The following CCDC63 variants were observed in gnomAD, a reference collection of about 807,000 sequenced individuals.
CCDC63 encodes coiled-coil domain-containing protein 63.
In CCDC63, 54 loss-of-function variants were observed where a neutral mutation model predicts 63.6. That is an observed-to-expected ratio of 0.85 (90% CI 0.68 to 1.07). The LOEUF (loss-of-function observed/expected upper bound fraction) is 1.07. Among genes scored for constraint, CCDC63 ranks in the 50% least tolerant of loss-of-function variants. The probability of loss-of-function intolerance (pLI) is 0.00; values close to 1 mark genes in which losing one functional copy is unlikely to be tolerated. For missense variants in CCDC63, 637 were observed against 689.6 expected, an observed-to-expected ratio of 0.92 and a Z score of 0.86; for synonymous variants, 253 against 266.1, an observed-to-expected ratio of 0.95 and a Z score of 0.48.
Position 110,879,944 on chromosome 12 carries a change from C to T in CCDC63, c.528C>T (p.Ala176=), listed in dbSNP as rs755654477. The T allele has an allele frequency of 6.2e-7, 1 of 1,614,058 alleles. No individual in the cohort carries two copies. The highest frequency in any genetic ancestry group is 1.3e-5 in the African/African-American group (1 of 74,922). Residue 176 remains alanine (A), a synonymous_variant, in exon 6 of 12, where the codon GCC becomes GCT. Coordinates refer to ENST00000308208, the MANE Select transcript of CCDC63 (RefSeq NM_152591.3). The part of the protein sequence containing the change: ...VHFDKMLTTN[A]KLRKEIEDLR... ...TTGACAAGATGCTGACCACTAATGC[C>T]AAGCTCCGGAAGGAGATTGAAGACC...
At chr12:110,855,558 TG>T (rs1479011629) in intron 3 of CCDC63, among the ~76,000 whole-genome samples, 1 of 151,672 alleles carries the variant, frequency 6.6e-6, no homozygotes, top group African/African-American at 2.4e-5. Flanking sequence ...GGTGGAAGAG[TG>T]GAGAGTTTAG....
intron 4 of CCDC63, among the ~76,000 whole-genome samples, chr12:110,861,422 T>C (rs2070851775): frequency 6.6e-6 from 1 of 152,198 alleles, no homozygotes; most frequent in African/African-American, 2.4e-5. Context: ...TGCTCTGTGT[T>C]CCACCCACTG....
At chr12:110,867,078 G>A (rs1357608778) in intron 4 of CCDC63, among the ~76,000 whole-genome samples, 9 of 145,528 alleles carry the variant, frequency 6.2e-5, no homozygotes, top group Admixed American at 6.0e-4. Flanking sequence ...CGGCCGGGCA[G>A]AGGCACCCCT....
chr12:110,869,078 A>T (rs1566123419), intron 4 of CCDC63, among the ~76,000 whole-genome samples: 2 of 152,138 alleles, frequency 1.3e-5, no homozygotes, highest in Non-Finnish European at 2.9e-5. Flanking sequence ...AACCAAAGGG[A>T]ATTAAAACTC....
chr12:110,848,837 T>A (rs1457611724), intron 1 of CCDC63, among the ~76,000 whole-genome samples: 1 of 152,164 alleles, frequency 6.6e-6, no homozygotes, highest in Non-Finnish European at 1.5e-5. Flanking sequence ...CAAATCCACT[T>A]AGGACCCAAA....
chr12:110,853,883 A>G (rs2070737132), intron 3 of CCDC63, among the ~76,000 whole-genome samples: 1 of 152,216 alleles, frequency 6.6e-6, no homozygotes, highest in African/African-American at 2.4e-5. Flanking sequence ...TTCTCCGCAC[A>G]TGACTTCTGT....
At chr12:110,869,719 A>G (rs2136677184) in intron 4 of CCDC63, among the ~76,000 whole-genome samples, 1 of 152,192 alleles carries the variant, frequency 6.6e-6, no homozygotes, top group East Asian at 1.9e-4. Context: ...TTACGAGGGT[A>G]TAGAGAGACA....
In CCDC63 at chr12:110,881,192, G is replaced by A. The variant is rs1593675681; in HGVS notation, c.749G>A (p.Arg250Gln). The A allele has an allele frequency of 5.0e-6, 8 of 1,613,578 alleles. No individual in the cohort carries two copies. Among genetic ancestry groups the A allele is most frequent in the East Asian group, 4.5e-5 (2 of 44,854 alleles). ...KDTSQYNLEI[R>Q]ELERLYAHES... ...ACCTCTCAGTACAACCTGGAGATCCGAGAGCTGGAGCGTCTCTATGCCCAT... is the reference window on the plus strand; with the variant it reads ...ACCTCTCAGTACAACCTGGAGATCCAAGAGCTGGAGCGTCTCTATGCCCAT... Residue 250 changes from arginine (R) to glutamine (Q), a missense_variant, in exon 7 of 12, where the codon CGA becomes CAA. By Grantham distance (43) the Arg-to-Gln change is conservative. Coordinates refer to ENST00000308208, the MANE Select transcript of CCDC63 (RefSeq NM_152591.3).
chr12:110,884,613 C>T (rs980206678), intron 8 of CCDC63, among the ~76,000 whole-genome samples: 2 of 152,078 alleles, frequency 1.3e-5, no homozygotes, highest in African/African-American at 2.4e-5. Context: ...TGACCTCAAG[C>T]AATCCTCCCA....
intron 8 of CCDC63, among the ~76,000 whole-genome samples, chr12:110,892,406 C>G (rs542700785): frequency 2.0e-5 from 3 of 151,814 alleles, no homozygotes; most frequent in Admixed American, 2.0e-4. Context: ...TGAGACCCCC[C>G]ATCTCTATAA....
At chr12:110,886,952 G>C (rs921673983) in intron 8 of CCDC63, among the ~76,000 whole-genome samples, 2 of 152,168 alleles carry the variant, frequency 1.3e-5, no homozygotes, top group African/African-American at 4.8e-5. Flanking sequence ...TCCTCCTGCA[G>C]TCGCACAGCA....
intron 8 of CCDC63, among the ~76,000 whole-genome samples, chr12:110,891,564 A>T (rs1268186235): frequency 6.8e-6 from 1 of 146,786 alleles, no homozygotes; most frequent in Non-Finnish European, 1.5e-5. Flanking sequence ...GGAGGATCGC[A>T]GTCAAGGCTT....
rs76464604 is a variant in CCDC63, at chr12:110,855,666, G to T, written c.179+2092G>T. ...GTGCGATCTTGGCTCACTGCAACCT[G>T]TGCCTCCTGGGTTCATGCAATTCTC... On this transcript the variant is annotated intron_variant, in intron 3 of 11. Coordinates refer to ENST00000308208, the MANE Select transcript of CCDC63 (RefSeq NM_152591.3). 5.9e-3 allele frequency among the ~76,000 whole-genome samples: 891 copies of T among 152,142 alleles called. 45 individuals are homozygous for T. The East Asian group carries it at 0.13, about 22-fold the overall frequency.
intron 5 of CCDC63, among the ~76,000 whole-genome samples, chr12:110,876,879 C>CAA (rs57300765): frequency 0.25 from 27,181 of 110,700 alleles, 2,838 homozygotes; most frequent in Admixed American, 0.29. Context: ...ACTAAAAATA[C>CAA]AAAAAAAAAA....
chr12:110,897,278 TA>T (rs202229988), intron 9 of CCDC63, among the ~76,000 whole-genome samples: 2,141 of 133,998 alleles, frequency 0.016, 19 homozygotes, highest in African/African-American at 0.026. Flanking sequence ...CTAATTTTAT[TA>T]AAAAAAAAAA....
chr12:110,859,793 G>T (rs1371065066), intron 4 of CCDC63, among the ~76,000 whole-genome samples: 1 of 152,176 alleles, frequency 6.6e-6, no homozygotes, highest in Non-Finnish European at 1.5e-5. Context: ...GGAAGTATTT[G>T]CAGGACAACA....
chr12:110,853,648 T>C, intron 3 of CCDC63, 74 bp downstream of exon 3: 1 of 1,567,260 alleles, frequency 6.4e-7, no homozygotes, highest in Non-Finnish European at 8.8e-7. Flanking sequence ...TTGCTTGTCT[T>C]CTGTTCTGTG....
chr12:110,893,573 C>T (rs1040074479), intron 9 of CCDC63, among the ~76,000 whole-genome samples: 1 of 152,264 alleles, frequency 6.6e-6, no homozygotes, highest in South Asian at 2.1e-4. Context: ...ATGTACGAGG[C>T]GCCGGGCTAA....
chr12:110,902,159 G>A (rs560919643), intron 10 of CCDC63, among the ~76,000 whole-genome samples: 1 of 152,262 alleles, frequency 6.6e-6, no homozygotes, highest in African/African-American at 2.4e-5. Context: ...ATTCAGGCGA[G>A]CCACTCTTAT....
Sources: allele counts gnomAD v4.1 joint callset (sites outside exome capture counted in the v4.1 genomes callset), GRCh38; gene constraint gnomAD v4.1.1; transcripts MANE v1.5; gene names NCBI Gene and HGNC (gene_info 2026-07-23, HGNC 2026-07-21).